GRID2: variants seen among roughly 807,000 people sequenced by gnomAD.
GRID2 encodes the protein glutamate receptor ionotropic, delta-2.
GRID2 carries 33 observed loss-of-function variants against 114.8 expected under a neutral mutation model. The observed-to-expected ratio is 0.29, with a 90% CI of 0.22 to 0.38. The LOEUF is 0.38. Among genes scored for constraint, GRID2 ranks in the 10% least tolerant of loss-of-function variants. The probability of loss-of-function intolerance (pLI) is 1.00; values close to 1 mark genes in which losing one functional copy is unlikely to be tolerated. For synonymous variants in GRID2, 505 were observed against 449.9 expected, an observed-to-expected ratio of 1.12 and a Z score of -1.55; for missense variants, 1,184 against 1,257.7, an observed-to-expected ratio of 0.94 and a Z score of 0.89.
chr4:93,338,301 C>G (rs576812749), intron 8 of GRID2, among the ~76,000 whole-genome samples: 1 of 152,198 alleles, frequency 6.6e-6, no homozygotes, highest in South Asian at 2.1e-4. Flanking sequence ...TAAATCCAAT[C>G]AACAAAGCAA....
chr4:92,703,611 A>G (rs894658219), intron 2 of GRID2, among the ~76,000 whole-genome samples: 15 of 87,122 alleles, frequency 1.7e-4, no homozygotes, highest in African/African-American at 5.6e-4. Context: ...AAAATGAGGA[A>G]AAACATTATA....
At chr4:92,362,385 C>G (rs1320094703) in intron 1 of GRID2, among the ~76,000 whole-genome samples, 1 of 151,826 alleles carries the variant, frequency 6.6e-6, no homozygotes, top group Non-Finnish European at 1.5e-5. Flanking sequence ...AATAATGAAA[C>G]ATTTTTGTCT....
At chr4:92,604,080 A>C (rs1349690625) in intron 2 of GRID2, among the ~76,000 whole-genome samples, 1 of 152,144 alleles carries the variant, frequency 6.6e-6, no homozygotes. Context: ...ACACTTTTAC[A>C]CTGTTGGTGG....
intron 13 of GRID2, among the ~76,000 whole-genome samples, chr4:93,515,729 A>G (rs899412350): frequency 6.6e-6 from 1 of 152,116 alleles, no homozygotes; most frequent in Non-Finnish European, 1.5e-5. Flanking sequence ...CCCATTCCAA[A>G]TATCATTCAA....
At chr4:92,818,948 A>G (rs1043356471) in intron 2 of GRID2, among the ~76,000 whole-genome samples, 5 of 151,958 alleles carry the variant, frequency 3.3e-5, no homozygotes, top group African/African-American at 1.2e-4. Flanking sequence ...AATTTTTCTC[A>G]TTTTTAAATA....
intron 2 of GRID2, among the ~76,000 whole-genome samples, chr4:92,782,181 G>C (rs760895611): frequency 6.6e-6 from 1 of 151,966 alleles, no homozygotes; most frequent in Non-Finnish European, 1.5e-5. Context: ...CAGTAATACT[G>C]TTATTTATAT....
At chr4:93,800,291 A>G (rs1316917268) in intron 1 of GRID2, among the ~76,000 whole-genome samples, 1 of 152,216 alleles carries the variant, frequency 6.6e-6, no homozygotes, top group African/African-American at 2.4e-5. Context: ...TGTGGCTTTC[A>G]CTGACATTTA....
At chr4:93,055,401 A>G (rs1280979271) in intron 2 of GRID2, among the ~76,000 whole-genome samples, 5 of 151,866 alleles carry the variant, frequency 3.3e-5, no homozygotes, top group Non-Finnish European at 7.4e-5. Context: ...AAAAATGATA[A>G]TAGATATACC....
At chr4:92,633,289 G>A (rs547151292) in intron 2 of GRID2, among the ~76,000 whole-genome samples, 28 of 150,838 alleles carry the variant, frequency 1.9e-4, no homozygotes, top group African/African-American at 6.8e-4. Flanking sequence ...ATGTGAAAGG[G>A]AAAAAAAAAC....
rs780362271 is a variant in GRID2 at position 93,085,248 on chromosome 4, G to C, written c.498G>C (p.Gln166His). 13 of 1,613,282 alleles carry C rather than the reference G, an allele frequency of 8.1e-6. No homozygotes were observed. Among genetic ancestry groups the C allele is most frequent in the Non-Finnish European group, 9.3e-6 (11 of 1,179,332 alleles). The change falls in exon 3 of 16, where the codon CAG becomes CAC. Residue 166 changes from glutamine (Q) to histidine (H), a missense_variant. By Grantham distance (24) the Gln-to-His change is conservative. Transcript: ENST00000282020. ...ILRVVTEYAW[Q>H]KFIIFYDSEY... ...GAGTGGTCACAGAGTATGCCTGGCAGAAATTCATTATATTCTATGATAGTG... is the reference window on the plus strand; with the variant it reads ...GAGTGGTCACAGAGTATGCCTGGCACAAATTCATTATATTCTATGATAGTG...
intron 1 of GRID2, among the ~76,000 whole-genome samples, chr4:92,489,177 G>T (rs1723034033): frequency 6.6e-6 from 1 of 152,050 alleles, no homozygotes; most frequent in Admixed American, 6.6e-5. Context: ...TAATAAATAT[G>T]CAGATTTAGG....
chr4:92,316,794 A>G (rs1726007044), intron 1 of GRID2, among the ~76,000 whole-genome samples: 1 of 152,208 alleles, frequency 6.6e-6, no homozygotes, highest in Non-Finnish European at 1.5e-5. Context: ...AGAAAAAGAC[A>G]TAGAAATGGG....
intron 14 of GRID2, among the ~76,000 whole-genome samples, chr4:93,720,322 T>C (rs1174172086): frequency 6.6e-6 from 1 of 152,156 alleles, no homozygotes; most frequent in African/African-American, 2.4e-5. Flanking sequence ...GCAACCAAGG[T>C]CTTAGATGGT....
intron 3 of GRID2, 26 bp from the exon 4 acceptor site, chr4:93,110,722 T>C: frequency 6.7e-7 from 1 of 1,490,564 alleles, no homozygotes. Flanking sequence ...TTCACAGGTA[T>C]TTTGATGGGC....
intron 1 of GRID2, among the ~76,000 whole-genome samples, chr4:92,313,993 A>C (rs187086639): frequency 6.6e-6 from 1 of 152,162 alleles, no homozygotes; most frequent in Admixed American, 6.5e-5. Context: ...GTCCTAAGAG[A>C]ATTATCAGTA....
intron 4 of GRID2, among the ~76,000 whole-genome samples, chr4:93,133,979 T>G (rs1207390987): frequency 1.3e-5 from 2 of 152,190 alleles, no homozygotes; most frequent in East Asian, 3.8e-4. Context: ...GAATGCATAG[T>G]CTCACTTTTA....
At chr4:93,004,568 C>A (rs1721312414) in intron 2 of GRID2, among the ~76,000 whole-genome samples, 1 of 152,000 alleles carries the variant, frequency 6.6e-6, no homozygotes, top group African/African-American at 2.4e-5. Context: ...GCATCCTTCC[C>A]AATAGCAGGC....
At chr4:93,463,305 G>A (rs963089674) in intron 11 of GRID2, among the ~76,000 whole-genome samples, 3 of 152,160 alleles carry the variant, frequency 2.0e-5, no homozygotes, top group Admixed American at 2.0e-4. Context: ...AGCTGTGAAT[G>A]CATTGGTTTA....
chr4:92,987,283 T>C (rs892990933), intron 2 of GRID2, among the ~76,000 whole-genome samples: 2 of 152,098 alleles, frequency 1.3e-5, no homozygotes, highest in Non-Finnish European at 1.5e-5. Context: ...TTAAAGAAGG[T>C]ACAGGCAATG....
Sources: gnomAD v4.1 joint callset for allele counts (sites outside exome capture counted in the v4.1 genomes callset) on GRCh38, gnomAD v4.1.1 for gene constraint, MANE v1.5 for transcripts, NCBI Gene and HGNC (gene_info 2026-07-23, HGNC 2026-07-21) for gene names.